The following WSB2 variants were observed in gnomAD, a reference collection of about 807,000 sequenced individuals.
The protein encoded by WSB2 is WD repeat and SOCS box-containing protein 2.
In WSB2, 12 loss-of-function variants were observed where a neutral mutation model predicts 48.8. The ratio of observed to expected loss-of-function variants is 0.25; its 90% confidence interval spans 0.16 to 0.40. The LOEUF is 0.40. Ranked by LOEUF, WSB2 falls within the 10% of genes least tolerant of loss-of-function variation. The pLI is 1.00. For missense variants in WSB2, 317 were observed against 506.2 expected, an observed-to-expected ratio of 0.63 and a Z score of 3.59; for synonymous variants, 191 against 203.1, an observed-to-expected ratio of 0.94 and a Z score of 0.51.
rs1593477906 is a variant in WSB2 at position 118,061,138 on chromosome 12, G to A, written c.-90C>T. ...ATGCCGCCCCCGCGCCGCCCGCCCC[G>A]GCCAGGCCGCCGCCGCCGCCCGGAG... On this transcript the variant is annotated 5_prime_UTR_variant, in exon 1 of 9. Transcript: ENST00000315436. 3.1e-6 allele frequency: 3 copies of A among 981,480 alleles called. No homozygotes were observed. Among genetic ancestry groups the A allele is most frequent in the African/African-American group, 1.8e-5 (1 of 56,708 alleles). 60.8% of individuals were successfully genotyped at this position (981,480 alleles called of 1,614,324 possible).
chr12:118,039,884 C>T (rs2137770662), intron 4 of WSB2, among the ~76,000 whole-genome samples: 1 of 151,984 alleles, frequency 6.6e-6, no homozygotes, highest in African/African-American at 2.4e-5. Context: ...GCTGGGATTA[C>T]AGGTATCTGC....
upstream of WSB2, chr12:118,061,225 G>A: frequency 1.0e-6 from 1 of 982,860 alleles, no homozygotes; most frequent in South Asian, 4.7e-5. Context: ...CGGGGGCGGG[G>A]CGCAGGGGAA....
intron 2 of WSB2, among the ~76,000 whole-genome samples, chr12:118,048,546 C>G (rs893972477): frequency 6.7e-6 from 1 of 150,312 alleles, no homozygotes. Context: ...AGATGCGCCA[C>G]TACACTCTGG....
At chr12:118,040,577 A>C (rs895562383) in intron 4 of WSB2, among the ~76,000 whole-genome samples, 5 of 151,580 alleles carry the variant, frequency 3.3e-5, no homozygotes, top group African/African-American at 7.3e-5. Context: ...CCTGACCTTC[A>C]TGGCAAAACC....
chr12:118,054,461 G>A (rs1462615094), intron 1 of WSB2, among the ~76,000 whole-genome samples: 4 of 151,238 alleles, frequency 2.6e-5, no homozygotes, highest in Admixed American at 6.6e-5. Flanking sequence ...ACCTGAGGTC[G>A]GGAGTTCGAG....
chr12:118,049,336 A>C (rs2031805129), intron 2 of WSB2, among the ~76,000 whole-genome samples: 1 of 152,192 alleles, frequency 6.6e-6, no homozygotes, highest in African/African-American at 2.4e-5. Context: ...AACTGTTTCC[A>C]ATTTTCTTAA....
chr12:118,053,195 A>C (rs2031888154), intron 1 of WSB2, among the ~76,000 whole-genome samples: 1 of 152,148 alleles, frequency 6.6e-6, no homozygotes, highest in East Asian at 1.9e-4. Context: ...AAGGCAACTG[A>C]GACCAGGACT....
At chr12:118,044,529 C>G (rs1046820967) in intron 2 of WSB2, among the ~76,000 whole-genome samples, 1 of 152,180 alleles carries the variant, frequency 6.6e-6, no homozygotes, top group Non-Finnish European at 1.5e-5. Context: ...TCATTTACTT[C>G]CTAACTGATG....
At chr12:118,035,729 C>CA in intron 6 of WSB2, 1 of 182,882 alleles carries the variant, frequency 5.5e-6, no homozygotes, top group Non-Finnish European at 1.2e-5. Context: ...TTTTGGAAAG[C>CA]ACAGTTTCGA....
chr12:118,057,094 TCTCTTGGAGTCTGGGCC>T (rs1205019419), intron 1 of WSB2, among the ~76,000 whole-genome samples: 1 of 152,026 alleles, frequency 6.6e-6, no homozygotes, highest in Non-Finnish European at 1.5e-5. Context: ...GTGACTCCTG[TCTCTTGGAGTCTGGGCC>T]CAAACTAAAC....
intron 8 of WSB2, 46 bp from the exon 9 acceptor site, chr12:118,034,404 A>T (rs1177666831): frequency 1.2e-6 from 2 of 1,600,180 alleles, no homozygotes; most frequent in Non-Finnish European, 1.7e-6. Flanking sequence ...TTGGATGTTC[A>T]TGTTTTCATG....
At chr12:118,053,693 G>C (rs2031897843) in intron 1 of WSB2, among the ~76,000 whole-genome samples, 1 of 152,134 alleles carries the variant, frequency 6.6e-6, no homozygotes, top group Non-Finnish European at 1.5e-5. Flanking sequence ...CATGGCTGAT[G>C]AAGCTTATAA....
intron 2 of WSB2, among the ~76,000 whole-genome samples, chr12:118,046,912 C>G (rs973198368): frequency 6.6e-6 from 1 of 152,122 alleles, no homozygotes; most frequent in African/African-American, 2.4e-5. Context: ...GCTGGGACTA[C>G]AGGCGCATGC....
chr12:118,047,582 G>T (rs1396485294), intron 2 of WSB2, among the ~76,000 whole-genome samples: 1 of 152,098 alleles, frequency 6.6e-6, no homozygotes, highest in Non-Finnish European at 1.5e-5. Context: ...GCTATTGTTG[G>T]CAGGGTGTGG....
chr12:118,055,496 T>C (rs548432382), intron 1 of WSB2, among the ~76,000 whole-genome samples: 123 of 151,620 alleles, frequency 8.1e-4, no homozygotes, highest in African/African-American at 2.7e-3. Flanking sequence ...GAGGCAGAGG[T>C]GGAAGAATTG....
chr12:118,061,221 C>A, upstream of WSB2: 1 of 973,142 alleles, frequency 1.0e-6, no homozygotes, highest in Non-Finnish European at 1.2e-6. Context: ...CGCGCGGGGG[C>A]GGGGCGCAGG....
chr12:118,036,109 G>A, intron 6 of WSB2: 1 of 386,122 alleles, frequency 2.6e-6, no homozygotes, highest in Non-Finnish European at 4.7e-6. Flanking sequence ...GGCTCAGGCA[G>A]CAGAATCGCT....
intron 1 of WSB2, among the ~76,000 whole-genome samples, chr12:118,056,175 C>A (rs966962281): frequency 6.6e-6 from 1 of 152,134 alleles, no homozygotes; most frequent in African/African-American, 2.4e-5. Flanking sequence ...CCCTCAAAAT[C>A]CAGCATAATC....
chr12:118,049,185 T>C lies in WSB2; in HGVS notation c.182+3125A>G, dbSNP rs539015180. 1.5e-4 allele frequency among the ~76,000 whole-genome samples: 23 copies of C among 152,304 alleles called. 1 individual carries two copies. The highest frequency in any genetic ancestry group is 2.1e-4 in the South Asian group (1 of 4,824). ...AGGTAGGGAATTAGTAAACAATGTA[T>C]GACCTTGGCATTATCATTAAACTGA... On this transcript the variant is annotated intron_variant, in intron 2 of 8. Transcript: ENST00000315436.
Sources: allele counts gnomAD v4.1 joint callset (sites outside exome capture counted in the v4.1 genomes callset), GRCh38; gene constraint gnomAD v4.1.1; transcripts MANE v1.5; gene names NCBI Gene and HGNC (gene_info 2026-07-23, HGNC 2026-07-21).